BRD1: variants seen among roughly 807,000 people sequenced by gnomAD.
The protein encoded by BRD1 is bromodomain containing 1.
BRD1 carries 24 observed loss-of-function variants against 107.7 expected under a neutral mutation model. That is an observed-to-expected ratio of 0.22 (90% CI 0.16 to 0.31). The LOEUF (loss-of-function observed/expected upper bound fraction) is 0.31. Ranked by LOEUF, BRD1 falls within the 10% of genes least tolerant of loss-of-function variation. The pLI is 1.00. For missense variants in BRD1, 1,279 were observed against 1,638.6 expected, an observed-to-expected ratio of 0.78 and a Z score of 3.79; for synonymous variants, 744 against 686.1, an observed-to-expected ratio of 1.08 and a Z score of -1.32.
At position 49,801,759 on chromosome 22, in the gene BRD1, G is replaced by A. The variant is rs145521885; in HGVS notation, c.1524+2445C>T. Among the ~76,000 whole-genome samples, 366 of 152,352 alleles carry A rather than the reference G, an allele frequency of 2.4e-3. 11 individuals carry two copies. In the East Asian group the frequency reaches 0.031, roughly 13 times the overall value. ...GTGAGGCCTAACAGGCAGCGATGAA[G>A]CAGAGGGGGCCCAGCTGGCAGGTTC... On this transcript the variant is annotated intron_variant, in intron 3 of 12. Transcript: ENST00000404760.
intron 7 of BRD1, among the ~76,000 whole-genome samples, chr22:49,790,443 C>T (rs1297619853): frequency 6.6e-6 from 1 of 152,246 alleles, no homozygotes; most frequent in Admixed American, 6.5e-5. Context: ...GGGCATAAGC[C>T]TCTCAGACCC....
rs1024742729 is a variant in BRD1 at position 49,803,790 on chromosome 22, G to T, written c.1524+414C>A. On this transcript the variant is annotated intron_variant, in intron 3 of 12. Coordinates refer to ENST00000404760, the MANE Select transcript of BRD1 (RefSeq NM_001304808.3). This position sits in a 1 kb window ranked among gnomAD's most constrained non-coding sequence, Gnocchi z 4.4. ...TTCCAAAACCCACCCTCCAGGCCCA[G>T]CACACAGACCCCCACCCACATGGCC... is the stretch of plus-strand genomic sequence containing the variant. Among the ~76,000 whole-genome samples the T allele has an allele frequency of 6.6e-6, 1 of 152,026 alleles. No individual in the cohort carries two copies. Among genetic ancestry groups the T allele is most frequent in the African/African-American group, 2.4e-5 (1 of 41,376 alleles).
At chr22:49,789,191 G>A (rs9628135) in intron 7 of BRD1, among the ~76,000 whole-genome samples, 7,692 of 152,314 alleles carry the variant, frequency 0.051, 584 homozygotes, top group African/African-American at 0.16. Context: ...CTGTCATGTG[G>A]GAATGCTGGA....
intron 3 of BRD1, 78 bp downstream of exon 3, chr22:49,804,125 CA>C: frequency 7.4e-7 from 1 of 1,344,010 alleles, no homozygotes; most frequent in Non-Finnish European, 9.9e-7. Context: ...GCACCGTGAC[CA>C]GCCTGAACCA....
intron 6 of BRD1, among the ~76,000 whole-genome samples, chr22:49,796,340 C>T (rs1407374350): frequency 4.0e-5 from 6 of 150,760 alleles, no homozygotes; most frequent in Admixed American, 6.6e-5. Context: ...GTGATCCACC[C>T]GCCTCGGCCT....
chr22:49,800,850 G>A (rs1335824261), intron 3 of BRD1, among the ~76,000 whole-genome samples: 1 of 152,244 alleles, frequency 6.6e-6, no homozygotes, highest in Non-Finnish European at 1.5e-5. Flanking sequence ...GGAAGAAGCT[G>A]AGCGCCTCCG....
At chr22:49,777,558 G>T in intron 9 of BRD1, 120 bp downstream of exon 9, 1 of 1,403,646 alleles carries the variant, frequency 7.1e-7, no homozygotes, top group Non-Finnish European at 9.6e-7. Flanking sequence ...TGAATCCCAG[G>T]CCAGAATTTT....
Position 49,787,652 on chromosome 22 carries a change from C to A in BRD1, c.2595G>T (p.Ala865=). Residue 865 remains alanine (A), a synonymous_variant, in exon 8 of 13, where the codon GCG becomes GCT. Transcript: ENST00000404760. ...TRASSGDVPA[A]AASAVAEPAS... ...CTGGCTCCGCCACCGCGGAGGCCGC[C>A]GCCGCCGGCACATCGCCACTACTGG... 1 of 1,550,582 alleles carries A rather than the reference C, an allele frequency of 6.4e-7. No homozygotes were observed. The highest frequency in any genetic ancestry group is 8.7e-7 in the Non-Finnish European group (1 of 1,146,962).
At chr22:49,817,695 G>A (rs1215049919) in intron 2 of BRD1, 2 of 222,644 alleles carry the variant, frequency 9.0e-6, no homozygotes, top group African/African-American at 4.6e-5. Flanking sequence ...AGATTTCTTG[G>A]AAGAATATCA....
Position 49,776,123 on chromosome 22 carries a change from G to C in BRD1, c.3158C>G (p.Ala1053Gly), listed in dbSNP as rs2059093597. The change falls in exon 11 of 13, where the codon GCC becomes GGC. Residue 1053 changes from alanine (A) to glycine (G), a missense_variant. Physicochemically the swap from Ala to Gly is moderately conservative, Grantham distance 60. This residue lies in a region of BRD1 where 136 missense variants were observed against 196.8 expected (regional missense o/e 0.69). Coordinates refer to ENST00000404760, the MANE Select transcript of BRD1 (RefSeq NM_001304808.3). ...GQSSMWISTD[A>G]AASVLEPLKV... ...CAGAGGCTCCAGCACCGAGGCGGCG[G>C]CATCAGTGGAGATCCACATGCTGCT... The C allele has an allele frequency of 6.2e-7, 1 of 1,606,500 alleles. No individual in the cohort carries two copies. The highest frequency in any genetic ancestry group is 1.3e-5 in the African/African-American group (1 of 74,826).
intron 3 of BRD1, 115 bp downstream of exon 3, chr22:49,804,089 A>C (rs2147202027): frequency 2.2e-6 from 2 of 898,178 alleles, no homozygotes; most frequent in South Asian, 4.6e-5. Context: ...GAGGCTTCCC[A>C]ACGGGGAGCC....
At chr22:49,794,592 A>AGGCTGCCTGTGCAGACAGCCT (rs2059495931) in intron 6 of BRD1, among the ~76,000 whole-genome samples, 2 of 152,198 alleles carry the variant, frequency 1.3e-5, no homozygotes, top group South Asian at 4.1e-4. Context: ...GGACCCACTG[A>AGGCTGCCTGTGCAGACAGCCT]GGCTGCCTGT....
intron 2 of BRD1, among the ~76,000 whole-genome samples, chr22:49,810,041 A>G (rs181668572): frequency 1.8e-4 from 28 of 152,354 alleles, no homozygotes; most frequent in Middle Eastern, 3.4e-3. Flanking sequence ...ACAAGCATCA[A>G]AGAATGAATG....
In BRD1 at chr22:49,774,313, G is replaced by A. The variant is rs1178131646; in HGVS notation, c.3490C>T (p.Arg1164Trp). ...TTCATGGCGCGGTCAAAAGCGATCC[G>A]CACGGCCTTCCGGATGCTGGAATTC... ...GRNSSIRKAV[R>W]IAFDRAMNHL... The change falls in exon 13 of 13, where the codon CGG (arginine) becomes TGG (tryptophan). Residue 1164 changes from arginine to tryptophan, a missense_variant. Physicochemically the swap from Arg to Trp is moderately radical, Grantham distance 101. Coordinates refer to ENST00000404760, the MANE Select transcript of BRD1 (RefSeq NM_001304808.3). The A allele has an allele frequency of 3.1e-6, 5 of 1,614,084 alleles. No homozygotes were observed. Among genetic ancestry groups the A allele is most frequent in the East Asian group, 2.2e-5 (1 of 44,888 alleles).
intron 3 of BRD1, among the ~76,000 whole-genome samples, chr22:49,801,520 A>G (rs886798362): frequency 4.6e-5 from 7 of 152,222 alleles, no homozygotes; most frequent in Non-Finnish European, 7.3e-5. Flanking sequence ...GGCCAGGAGA[A>G]GGCAGAAGCA....
rs1439295610 is a variant in BRD1, at chr22:49,809,820, G to A, written c.1368-5460C>T. On this transcript the variant is annotated intron_variant, in intron 2 of 12. Transcript: ENST00000404760. ...AATATCAAATGCAAAACCTCCAGGA[G>A]CTACAATGAGAACTGTTAAACCTAC... Among the ~76,000 whole-genome samples the A allele has an allele frequency of 7.2e-5, 11 of 152,116 alleles. No individual in the cohort carries two copies. The East Asian group carries it at 2.1e-3, about 29-fold the overall frequency.
intron 7 of BRD1, 81 bp from the exon 8 acceptor site, chr22:49,787,968 C>T: frequency 1.6e-6 from 2 of 1,262,128 alleles, no homozygotes. Flanking sequence ...AATGTGAAGT[C>T]CACCAAAATA....
chr22:49,806,576 A>G (rs941574941), intron 2 of BRD1: 2 of 152,230 alleles, frequency 1.3e-5, no homozygotes, highest in African/African-American at 4.8e-5. Context: ...AGACATACAT[A>G]TGACAACCAC....
intron 6 of BRD1, among the ~76,000 whole-genome samples, chr22:49,796,362 C>CTT (rs762043219): frequency 7.3e-6 from 1 of 137,664 alleles, no homozygotes; most frequent in Non-Finnish European, 1.6e-5. Flanking sequence ...TCTCTTTTTT[C>CTT]TTTTTTTTTT....
Sources: gnomAD v4.1 joint callset for allele counts (sites outside exome capture counted in the v4.1 genomes callset) on GRCh38, gnomAD v4.1.1 for gene constraint, gnomAD v4.1.1 regional missense constraint, Gnocchi (gnomAD v3.1) non-coding constraint, MANE v1.5 for transcripts, NCBI Gene and HGNC (gene_info 2026-07-23, HGNC 2026-07-21) for gene names.